CCSER1: variants seen among roughly 807,000 people sequenced by gnomAD.
CCSER1 encodes the protein coiled-coil serine rich protein 1.
Under a neutral mutation model 82.0 loss-of-function variants are expected in CCSER1, and 41 were observed. That is an observed-to-expected ratio of 0.50 (90% CI 0.39 to 0.65). The LOEUF (loss-of-function observed/expected upper bound fraction) is 0.65, where lower values mean the gene tolerates loss of function less well. CCSER1 is among the 30% of genes least tolerant of loss of function. The pLI is 0.00. For missense variants in CCSER1, 1,119 were observed against 1,064.2 expected, an observed-to-expected ratio of 1.05 and a Z score of -0.72; for synonymous variants, 414 against 383.9, an observed-to-expected ratio of 1.08 and a Z score of -0.92.
intron 10 of CCSER1, among the ~76,000 whole-genome samples, chr4:91,482,861 G>T (rs111686557): frequency 6.6e-6 from 1 of 151,978 alleles, no homozygotes; most frequent in African/African-American, 2.4e-5. Context: ...ACCAAACACC[G>T]CATGTTCTCA....
At chr4:91,412,492 T>C (rs1053864117) in intron 10 of CCSER1, among the ~76,000 whole-genome samples, 1 of 148,756 alleles carries the variant, frequency 6.7e-6, no homozygotes. Context: ...TCTGTGGACA[T>C]GAAAGCAGGT....
chr4:91,092,643 A>G (rs561380154), intron 10 of CCSER1, among the ~76,000 whole-genome samples: 2 of 152,338 alleles, frequency 1.3e-5, no homozygotes, highest in South Asian at 4.1e-4. Context: ...AGTTTCATGT[A>G]CAGCCAGCAT....
chr4:91,181,323 A>G (rs1050825521), intron 10 of CCSER1, among the ~76,000 whole-genome samples: 6 of 152,232 alleles, frequency 3.9e-5, no homozygotes, highest in Non-Finnish European at 7.3e-5. Context: ...AAGCACAATC[A>G]TCATTGAAAT....
chr4:91,300,321 C>T (rs1025907247), intron 10 of CCSER1, among the ~76,000 whole-genome samples: 2 of 151,826 alleles, frequency 1.3e-5, no homozygotes, highest in African/African-American at 4.8e-5. Context: ...GGTATCTACT[C>T]ATTATTTTAG....
intron 7 of CCSER1, among the ~76,000 whole-genome samples, chr4:90,754,134 A>C (rs79217728): frequency 0.01 from 1,594 of 152,282 alleles, 30 homozygotes; most frequent in African/African-American, 0.036. Context: ...TTGTGACCTG[A>C]CATTACATTG....
At chr4:91,152,337 C>T (rs537761525) in intron 10 of CCSER1, among the ~76,000 whole-genome samples, 2 of 152,256 alleles carry the variant, frequency 1.3e-5, no homozygotes, top group South Asian at 2.1e-4. Flanking sequence ...GCAGATCTTC[C>T]TCCATCCCCT....
intron 1 of CCSER1, among the ~76,000 whole-genome samples, chr4:90,147,463 T>C (rs1726027925): frequency 6.6e-6 from 1 of 152,182 alleles, no homozygotes; most frequent in South Asian, 2.1e-4. Flanking sequence ...TATTAAAATA[T>C]GCATCTAGTA....
At chr4:90,836,555 A>C (rs933131928) in intron 8 of CCSER1, among the ~76,000 whole-genome samples, 4 of 152,216 alleles carry the variant, frequency 2.6e-5, no homozygotes, top group African/African-American at 9.6e-5. Context: ...ATGAAAATAA[A>C]TGAAGTTTAA....
chr4:91,369,017 T>C (rs1167964140), intron 10 of CCSER1, among the ~76,000 whole-genome samples: 1 of 152,160 alleles, frequency 6.6e-6, no homozygotes, highest in Non-Finnish European at 1.5e-5. Flanking sequence ...AGTCCTTATC[T>C]TTTCTTGTAA....
chr4:91,202,563 A>G (rs892068091), intron 10 of CCSER1, among the ~76,000 whole-genome samples: 1 of 152,052 alleles, frequency 6.6e-6, no homozygotes, highest in African/African-American at 2.4e-5. Flanking sequence ...GAGGCAGGAT[A>G]GTATTTAAAG....
chr4:90,877,743 AAAAC>A (rs769959110), intron 8 of CCSER1, among the ~76,000 whole-genome samples: 4 of 151,804 alleles, frequency 2.6e-5, no homozygotes, highest in Non-Finnish European at 4.4e-5. Flanking sequence ...TAAACGGGAG[AAAAC>A]AAACCCACTA....
chr4:90,313,189 A>G (rs1451622941), intron 3 of CCSER1, 142 bp downstream of exon 3: 1 of 696,192 alleles, frequency 1.4e-6, no homozygotes, highest in African/African-American at 1.8e-5. Flanking sequence ...TTGACATTAC[A>G]AGTCAGAGAA....
At chr4:90,978,381 A>G (rs1429882177) in intron 9 of CCSER1, among the ~76,000 whole-genome samples, 1 of 151,644 alleles carries the variant, frequency 6.6e-6, no homozygotes, top group Non-Finnish European at 1.5e-5. Context: ...TCTATAAACA[A>G]TGGTTTGCAG....
At chr4:91,293,782 A>G (rs1464459378) in intron 10 of CCSER1, among the ~76,000 whole-genome samples, 1 of 152,006 alleles carries the variant, frequency 6.6e-6, no homozygotes, top group Non-Finnish European at 1.5e-5. Context: ...GTCAAGGAAT[A>G]GCCAAAAGAG....
chr4:91,410,242 T>A (rs1490044031), intron 10 of CCSER1, among the ~76,000 whole-genome samples: 4 of 152,200 alleles, frequency 2.6e-5, no homozygotes, highest in Admixed American at 6.5e-5. Flanking sequence ...GAGGAAGACA[T>A]TTTAAATTTC....
chr4:91,295,032 T>G (rs993875869), intron 10 of CCSER1, among the ~76,000 whole-genome samples: 1 of 152,016 alleles, frequency 6.6e-6, no homozygotes, highest in Non-Finnish European at 1.5e-5. Flanking sequence ...GACGATACTC[T>G]TAACAAGATG....
chr4:90,882,762 A>T (rs1721527322), intron 8 of CCSER1, among the ~76,000 whole-genome samples: 2 of 152,008 alleles, frequency 1.3e-5, no homozygotes, highest in Non-Finnish European at 2.9e-5. Context: ...ACTGAAAAAA[A>T]ACAAAGCCAG....
chr4:90,292,767 T>C (rs1731157632), intron 1 of CCSER1, among the ~76,000 whole-genome samples: 1 of 151,940 alleles, frequency 6.6e-6, no homozygotes, highest in African/African-American at 2.4e-5. Context: ...TGATCTAACA[T>C]TTGTGTTTGA....
intron 10 of CCSER1, among the ~76,000 whole-genome samples, chr4:91,533,770 T>C (rs942276908): frequency 6.6e-6 from 1 of 152,074 alleles, no homozygotes; most frequent in Non-Finnish European, 1.5e-5. Flanking sequence ...TATTTCTACA[T>C]TTCCCAATCG....
Sources: gnomAD v4.1 joint callset for allele counts (sites outside exome capture counted in the v4.1 genomes callset) on GRCh38, gnomAD v4.1.1 for gene constraint, MANE v1.5 for transcripts, NCBI Gene and HGNC (gene_info 2026-07-23, HGNC 2026-07-21) for gene names.